The following ADGRL3 variants were observed in gnomAD, a reference collection of about 807,000 sequenced individuals.
The protein encoded by ADGRL3 is calcium-independent alpha-latrotoxin receptor 3.
A neutral mutation model predicts 153.5 loss-of-function variants in ADGRL3; 62 were observed. That is an observed-to-expected ratio of 0.40 (90% CI 0.33 to 0.50). The LOEUF is 0.50. Among genes scored for constraint, ADGRL3 ranks in the 20% least tolerant of loss-of-function variants. ADGRL3 has a pLI of 0.47. For synonymous variants in ADGRL3, 710 were observed against 672.5 expected (o/e 1.06, Z -0.86); for missense variants, 1,641 against 1,859.4 (o/e 0.88, Z 2.16).
intron 4 of ADGRL3, among the ~76,000 whole-genome samples, chr4:61,557,132 A>AT (rs1020412826): frequency 2.0e-5 from 3 of 151,936 alleles, no homozygotes; most frequent in Non-Finnish European, 2.9e-5. Flanking sequence ...TCTCTAAATT[A>AT]TTTTTTTTCA....
At chr4:61,851,589 C>CAAAAAAA (rs759990537) in intron 9 of ADGRL3, among the ~76,000 whole-genome samples, 1 of 55,230 alleles carries the variant, frequency 1.8e-5, no homozygotes, top group African/African-American at 5.5e-5. Flanking sequence ...GACCATGTCT[C>CAAAAAAA]AAAAAAAAAA....
intron 5 of ADGRL3, among the ~76,000 whole-genome samples, chr4:61,597,025 G>C: frequency 6.6e-6 from 1 of 150,484 alleles, no homozygotes; most frequent in East Asian, 1.9e-4. Flanking sequence ...TAAAAGTGAA[G>C]TGTGTTTTTT....
intron 17 of ADGRL3, among the ~76,000 whole-genome samples, chr4:61,960,792 G>A (rs1225157933): frequency 6.6e-6 from 1 of 151,980 alleles, no homozygotes; most frequent in Non-Finnish European, 1.5e-5. Flanking sequence ...CTCACTGCAA[G>A]CTCCGCCTCC....
intron 1 of ADGRL3, among the ~76,000 whole-genome samples, chr4:61,319,006 A>T (rs370960392): frequency 1.4e-4 from 21 of 152,272 alleles, no homozygotes; most frequent in East Asian, 1.2e-3. Context: ...TGCCCAAGTT[A>T]GTGAAAAGAA....
intron 4 of ADGRL3, among the ~76,000 whole-genome samples, chr4:61,546,500 A>G (rs2098714417): frequency 6.6e-6 from 1 of 152,168 alleles, no homozygotes; most frequent in African/African-American, 2.4e-5. Context: ...TATTTTTACT[A>G]TATTTTACTA....
intron 1 of ADGRL3, among the ~76,000 whole-genome samples, chr4:61,308,940 C>T (rs1029591652): frequency 1.3e-5 from 2 of 152,066 alleles, no homozygotes; most frequent in African/African-American, 2.4e-5. Flanking sequence ...TACTATTTGG[C>T]CACTTCATTT....
At chr4:62,063,561 A>C (rs1333305821) in intron 25 of ADGRL3, 2 of 700,204 alleles carry the variant, frequency 2.9e-6, no homozygotes, top group Non-Finnish European at 5.2e-6. Context: ...TGGTACTAAC[A>C]ATCCCTATAA....
chr4:61,703,809 A>C (rs1288377520), intron 6 of ADGRL3, among the ~76,000 whole-genome samples: 3 of 151,706 alleles, frequency 2.0e-5, no homozygotes, highest in Non-Finnish European at 4.4e-5. Flanking sequence ...ACTTCTTTAT[A>C]TGTTCCTTCT....
intron 18 of ADGRL3, among the ~76,000 whole-genome samples, chr4:61,980,444 T>A (rs2099064136): frequency 6.6e-6 from 1 of 151,838 alleles, no homozygotes. Context: ...TTGTTTTTCT[T>A]TCTTTTCTTT....
intron 8 of ADGRL3, among the ~76,000 whole-genome samples, chr4:61,804,399 T>G (rs1478891015): frequency 6.6e-6 from 1 of 152,170 alleles, no homozygotes; most frequent in Non-Finnish European, 1.5e-5. Context: ...CTGAACTAAT[T>G]ATAAGGAAAA....
intron 5 of ADGRL3, among the ~76,000 whole-genome samples, chr4:61,599,760 A>T (rs1003812022): frequency 6.6e-6 from 1 of 152,166 alleles, no homozygotes. Flanking sequence ...TCCAGCATGA[A>T]TGGGACTGAG....
At chr4:61,423,481 A>C (rs2097235482) in intron 2 of ADGRL3, among the ~76,000 whole-genome samples, 1 of 152,226 alleles carries the variant, frequency 6.6e-6, no homozygotes, top group Non-Finnish European at 1.5e-5. Flanking sequence ...GTGTTAGATA[A>C]TCTGGACTTT....
intron 19 of ADGRL3, 23 bp from the exon 20 acceptor site, chr4:61,996,268 C>T: frequency 2.5e-6 from 4 of 1,577,250 alleles, no homozygotes; most frequent in Non-Finnish European, 3.5e-6. Context: ...TGAATACCTT[C>T]TCTCCCTTGT....
intron 4 of ADGRL3, among the ~76,000 whole-genome samples, chr4:61,546,352 G>T (rs1372802550): frequency 6.6e-6 from 1 of 152,152 alleles, no homozygotes; most frequent in African/African-American, 2.4e-5. Flanking sequence ...TGACCTGTGA[G>T]AACCTGTTGT....
intron 5 of ADGRL3, among the ~76,000 whole-genome samples, chr4:61,587,840 A>G (rs902066881): frequency 2.0e-5 from 3 of 152,100 alleles, no homozygotes; most frequent in African/African-American, 7.2e-5. Context: ...AAAAGAAGTA[A>G]AAATTAATAG....
chr4:61,489,741 G>A (rs977589124), intron 2 of ADGRL3, among the ~76,000 whole-genome samples: 1 of 151,710 alleles, frequency 6.6e-6, no homozygotes, highest in Non-Finnish European at 1.5e-5. Context: ...ATTGATTCAG[G>A]CTCCTCATAT....
chr4:61,241,646 A>G (rs1755022263), intron 1 of ADGRL3, among the ~76,000 whole-genome samples: 1 of 151,986 alleles, frequency 6.6e-6, no homozygotes, highest in Non-Finnish European at 1.5e-5. Context: ...TCCCTTTTTA[A>G]TCTTAACACT....
In ADGRL3 at chr4:61,544,582, T is replaced by C. The variant is rs543266507; in HGVS notation, c.259+27064T>C. ...AATTCTGTTTTTTCCCTTTTGGTTT[T>C]ATATTTGCAAGTATTACCTTATAAA... On this transcript the variant is annotated intron_variant, in intron 4 of 26. Transcript: ENST00000683033. Among the ~76,000 whole-genome samples the C allele has an allele frequency of 5.3e-5, 8 of 152,344 alleles. No homozygotes were observed. In the South Asian group the frequency reaches 1.4e-3, roughly 28 times the overall value.
intron 11 of ADGRL3, among the ~76,000 whole-genome samples, chr4:61,905,632 C>T (rs1382713135): frequency 2.0e-5 from 3 of 152,076 alleles, no homozygotes; most frequent in African/African-American, 4.8e-5. Flanking sequence ...CAGTAGTTCA[C>T]GCCTATGATC....
Sources: allele counts gnomAD v4.1 joint callset (sites outside exome capture counted in the v4.1 genomes callset), GRCh38; gene constraint gnomAD v4.1.1; transcripts MANE v1.5; gene names NCBI Gene and HGNC (gene_info 2026-07-23, HGNC 2026-07-21).